ABHD3: variants seen among roughly 807,000 people sequenced by gnomAD.
ABHD3 encodes phospholipase ABHD3.
ABHD3 carries 46 observed loss-of-function variants against 48.8 expected under a neutral mutation model. That is an observed-to-expected ratio of 0.94 (90% CI 0.74 to 1.20). The LOEUF is 1.20. Among genes scored for constraint, ABHD3 ranks in the 50% most tolerant of loss-of-function variants. The pLI is 0.00. For missense variants in ABHD3, 490 were observed against 497.8 expected (o/e 0.98, Z 0.15); for synonymous variants, 192 against 183.7 (o/e 1.04, Z -0.36).
chr18:21,685,619 C>G (rs2040113368), intron 3 of ABHD3, among the ~76,000 whole-genome samples: 1 of 152,250 alleles, frequency 6.6e-6, no homozygotes, highest in Non-Finnish European at 1.5e-5. Context: ...GCCTCAGCCT[C>G]TCATGCTCAG....
intron 5 of ABHD3, 135 bp downstream of exon 5, chr18:21,663,983 T>C: frequency 7.0e-7 from 1 of 1,433,570 alleles, no homozygotes; most frequent in Non-Finnish European, 9.1e-7. Flanking sequence ...ATCAACCGCA[T>C]TTAATAAAAT....
chr18:21,685,571 C>T (rs1309777145), intron 3 of ABHD3, among the ~76,000 whole-genome samples: 1 of 152,246 alleles, frequency 6.6e-6, no homozygotes, highest in African/African-American at 2.4e-5. Flanking sequence ...CTCTGCAACT[C>T]AGGCTGGAGT....
intron 3 of ABHD3, among the ~76,000 whole-genome samples, chr18:21,693,994 C>A (rs903457012): frequency 6.6e-6 from 1 of 152,160 alleles, no homozygotes; most frequent in African/African-American, 2.4e-5. Context: ...CACCAAGGCA[C>A]CTCTAATGCT....
chr18:21,692,860 AAT>A (rs1204991232), intron 3 of ABHD3, among the ~76,000 whole-genome samples: 3 of 152,204 alleles, frequency 2.0e-5, no homozygotes, highest in African/African-American at 7.2e-5. Flanking sequence ...GGCCCTATTT[AAT>A]AAGCAAAGTG....
chr18:21,653,139 G>A (rs550632156), intron 8 of ABHD3, among the ~76,000 whole-genome samples: 2 of 147,792 alleles, frequency 1.4e-5, no homozygotes, highest in African/African-American at 5.0e-5. Flanking sequence ...AGAGGCAGGT[G>A]GATCATGATG....
intron 5 of ABHD3, among the ~76,000 whole-genome samples, chr18:21,661,274 G>T (rs1420281853): frequency 6.6e-6 from 1 of 152,126 alleles, no homozygotes; most frequent in Non-Finnish European, 1.5e-5. Context: ...ATGATAGTTT[G>T]AAATTAGTGT....
chr18:21,690,419 T>C (rs1410205218), intron 3 of ABHD3, among the ~76,000 whole-genome samples: 1 of 151,648 alleles, frequency 6.6e-6, no homozygotes, highest in Non-Finnish European at 1.5e-5. Context: ...CTGGCCAACA[T>C]GGTGAAACCC....
At chr18:21,660,215 A>C (rs1598513689) in intron 5 of ABHD3, among the ~76,000 whole-genome samples, 1 of 138,962 alleles carries the variant, frequency 7.2e-6, no homozygotes, top group South Asian at 2.3e-4. Context: ...GCTCCTGAGG[A>C]GTTTGTAAAT....
At chr18:21,675,371 C>G (rs912780769) in intron 4 of ABHD3, among the ~76,000 whole-genome samples, 1 of 148,816 alleles carries the variant, frequency 6.7e-6, no homozygotes, top group Non-Finnish European at 1.5e-5. Context: ...TGGGTTCAAG[C>G]GATTCTCCTG....
chr18:21,692,668 T>C (rs1030745126), intron 3 of ABHD3, among the ~76,000 whole-genome samples: 7 of 152,244 alleles, frequency 4.6e-5, no homozygotes, highest in Non-Finnish European at 8.8e-5. Context: ...CCAGCATGGC[T>C]AATTCTTCCA....
At chr18:21,691,460 T>C (rs939682959) in intron 3 of ABHD3, among the ~76,000 whole-genome samples, 13 of 152,216 alleles carry the variant, frequency 8.5e-5, no homozygotes, top group African/African-American at 2.9e-4. Flanking sequence ...AATGATGCTA[T>C]CTAAACATTT....
chr18:21,657,205 T>C (rs1327669891), intron 6 of ABHD3, 53 bp from the exon 7 acceptor site: 6 of 1,515,184 alleles, frequency 4.0e-6, no homozygotes, highest in East Asian at 2.3e-5. Flanking sequence ...TACTCCATCA[T>C]ACTAAAAGGA....
rs148679541 is a variant in ABHD3 at position 21,702,709 on chromosome 18, C to T, written c.327-211G>A. Among the ~76,000 whole-genome samples the T allele has an allele frequency of 1.4e-4, 21 of 152,182 alleles. No homozygotes were observed. The East Asian group carries it at 3.5e-3, about 25-fold the overall frequency. On this transcript the variant is annotated intron_variant, in intron 2 of 8. Transcript: ENST00000289119. The stretch of plus-strand genomic sequence containing the variant: ...ACCATCAAGTATTTCCAGCAACCTC[C>T]GTACAAGGTCGTATATAAAAATGAA...
intron 3 of ABHD3, among the ~76,000 whole-genome samples, chr18:21,696,846 G>C (rs1400981429): frequency 6.6e-6 from 1 of 152,008 alleles, no homozygotes; most frequent in Non-Finnish European, 1.5e-5. Context: ...TGGGATTATA[G>C]GAATAAGCCA....
At position 21,700,952 on chromosome 18, in the gene ABHD3, CAAAAAAAAAAAAAAA is replaced by C. The variant is rs34993965; in HGVS notation, c.509+1349_509+1363del. Reference sequence around the variant, plus strand: ...TGGGCAACAGAGCCAGATTTGGCCTCAAAAAAAAAAAAAAAAAAAAAAAGGAACCAAGCCTCACAT... The same window carrying C: ...TGGGCAACAGAGCCAGATTTGGCCTCAAAAAAAAGGAACCAAGCCTCACAT... On this transcript the variant is annotated intron_variant, in intron 3 of 8. Coordinates refer to ENST00000289119, the MANE Select transcript of ABHD3 (RefSeq NM_138340.5). 3.8e-4 allele frequency among the ~76,000 whole-genome samples: 31 copies of C among 81,656 alleles called. No homozygotes were observed. The Admixed American group carries it at 4.0e-3, about 11-fold the overall frequency. The allele number at this position is 81,656 out of a possible 152,430, so 53.6% of individuals were successfully genotyped here. A position where few individuals can be genotyped will look rare whatever the true frequency, so the allele number is the denominator to read the frequency against.
At chr18:21,700,952 CAAAAAAAA>C (rs34993965) in intron 3 of ABHD3, among the ~76,000 whole-genome samples, 2 of 81,664 alleles carry the variant, frequency 2.4e-5, no homozygotes, top group Admixed American at 1.5e-4. Context: ...GATTTGGCCT[CAAAAAAAA>C]AAAAAAAAAA....
At chr18:21,703,436 C>T in intron 2 of ABHD3, 148 bp downstream of exon 2, 1 of 960,122 alleles carries the variant, frequency 1.0e-6, no homozygotes, top group East Asian at 2.8e-5. Flanking sequence ...GGGGTGGAGC[C>T]GGGGACGTAC....
chr18:21,696,433 G>A (rs2146334183), intron 3 of ABHD3, among the ~76,000 whole-genome samples: 1 of 152,270 alleles, frequency 6.6e-6, no homozygotes, highest in South Asian at 2.1e-4. Context: ...ACAGGCGTGA[G>A]CCACCGTGCC....
chr18:21,652,772 TA>T (rs1284234690), intron 8 of ABHD3, among the ~76,000 whole-genome samples: 1 of 139,784 alleles, frequency 7.2e-6, no homozygotes, highest in East Asian at 2.1e-4. Flanking sequence ...AGACTCCAAC[TA>T]AAAAAAAGAA....
Sources: gnomAD v4.1 joint callset for allele counts (sites outside exome capture counted in the v4.1 genomes callset) on GRCh38, gnomAD v4.1.1 for gene constraint, MANE v1.5 for transcripts, NCBI Gene and HGNC (gene_info 2026-07-23, HGNC 2026-07-21) for gene names.